ZNF91: variants seen among roughly 807,000 people sequenced by gnomAD.
ZNF91 encodes zinc finger protein 91 (HPF7, HTF10).
In ZNF91, 7 loss-of-function variants were observed where a neutral mutation model predicts 12.6. The observed-to-expected ratio is 0.55, with a 90% CI of 0.31 to 1.04. ZNF91 has a LOEUF of 1.04. Among genes scored for constraint, ZNF91 ranks in the 50% least tolerant of loss-of-function variants. The probability of loss-of-function intolerance (pLI) is 0.05; values close to 1 mark genes in which losing one functional copy is unlikely to be tolerated. For synonymous variants in ZNF91, 453 were observed against 462.6 expected (o/e 0.98, Z 0.27); for missense variants, 1,217 against 1,385.4 (o/e 0.88, Z 1.93).
intron 1 of ZNF91, 144 bp downstream of exon 1, chr19:23,395,181 G>T: frequency 1.0e-6 from 1 of 981,776 alleles, no homozygotes; most frequent in Admixed American, 2.4e-5. Context: ...CGCTGAAGGG[G>T]ACTGAGGCCG....
chr19:23,390,020 A>T (rs1460592690), intron 1 of ZNF91, among the ~76,000 whole-genome samples: 1 of 152,206 alleles, frequency 6.6e-6, no homozygotes, highest in Non-Finnish European at 1.5e-5. Context: ...ATTTTCACAT[A>T]AAAGATACAA....
intron 3 of ZNF91, among the ~76,000 whole-genome samples, chr19:23,364,977 G>A (rs1277667124): frequency 6.6e-6 from 1 of 151,828 alleles, no homozygotes; most frequent in Non-Finnish European, 1.5e-5. Flanking sequence ...GATGTGTAGT[G>A]GCATACCCTA....
intron 3 of ZNF91, among the ~76,000 whole-genome samples, chr19:23,363,718 T>C (rs953603844): frequency 1.3e-5 from 2 of 152,110 alleles, no homozygotes; most frequent in African/African-American, 4.8e-5. Flanking sequence ...ATAAAAGAGA[T>C]GTATACATTA....
chr19:23,383,295 T>C (rs1362618363), intron 1 of ZNF91, among the ~76,000 whole-genome samples: 1 of 152,208 alleles, frequency 6.6e-6, no homozygotes, highest in Admixed American at 6.5e-5. Flanking sequence ...TTTTAACATC[T>C]TTCATGTTAA....
downstream of ZNF91, among the ~76,000 whole-genome samples, chr19:23,334,929 G>A (rs949756944): frequency 2.0e-5 from 3 of 152,152 alleles, no homozygotes; most frequent in Admixed American, 1.3e-4. Context: ...TTAAAATAAT[G>A]AGACGCCAGT....
Position 23,359,827 on chromosome 19 carries a change from T to C in ZNF91, c.3152A>G (p.Lys1051Arg), listed in dbSNP as rs1450649258. ...AAATGCTTTGCCACATTCTTCACAC[T>C]TGTAAGGTTTCTCTCCAGTATGAAT... The part of the protein sequence containing the change: ...KIIHTGEKPY[K>R]CEECGKAFIS... The change falls in exon 4 of 4, where the codon AAG becomes AGG. Residue 1051 changes from lysine to arginine, a missense_variant. Lys to Arg is a conservative substitution (Grantham distance 26). Transcript: ENST00000300619. The C allele has an allele frequency of 6.2e-7, 1 of 1,614,044 alleles. No homozygotes were observed. Among genetic ancestry groups the C allele is most frequent in the East Asian group, 2.2e-5 (1 of 44,868 alleles).
intron 1 of ZNF91, chr19:23,328,790 A>G (rs1967880288): frequency 6.6e-6 from 1 of 152,182 alleles, no homozygotes; most frequent in African/African-American, 2.4e-5. Context: ...TTTAAGAGGT[A>G]AGAGAGGCTT....
At position 23,346,274 on chromosome 19, in the gene ZNF91, G is replaced by A. The variant is rs192856255; in HGVS notation, c.254-7220C>T. On this transcript the variant is annotated intron_variant, in intron 3 of 3. Coordinates refer to the ZNF91 transcript ENST00000599743. ...TGCCACCCTCTCCCCAGAAGACGAG[G>A]ACCGTATCTAGACCCCAGCTCAGGT... Among the ~76,000 whole-genome samples the A allele has an allele frequency of 1.1e-3, 160 of 152,020 alleles. 1 individual carries two copies. The highest frequency in any genetic ancestry group is 1.6e-3 in the Non-Finnish European group (110 of 67,982).
downstream of ZNF91, among the ~76,000 whole-genome samples, chr19:23,353,543 G>A (rs1968417001): frequency 6.6e-6 from 1 of 151,752 alleles, no homozygotes. Flanking sequence ...ACAACTCAAG[G>A]AACTAGAGAA....
intron 1 of ZNF91, among the ~76,000 whole-genome samples, chr19:23,377,526 C>T (rs117611836): frequency 0.013 from 1,904 of 152,140 alleles, 22 homozygotes; most frequent in Middle Eastern, 0.034. Flanking sequence ...AATGGGTGTT[C>T]TAAACAAGTC....
At chr19:23,325,702 C>T (rs1475617809) in intron 1 of ZNF91, 1 of 152,366 alleles carries the variant, frequency 6.6e-6, no homozygotes, top group Non-Finnish European at 1.5e-5. Flanking sequence ...CAGGCTCTCC[C>T]CAAAACCATG....
At chr19:23,368,718 GC>G (rs1969131202) in intron 3 of ZNF91, among the ~76,000 whole-genome samples, 1 of 151,632 alleles carries the variant, frequency 6.6e-6, no homozygotes, top group South Asian at 2.1e-4. Flanking sequence ...GAGAAATAAT[GC>G]CTCCTATAAA....
rs374565609 is a variant in ZNF91 at position 23,359,685 on chromosome 19, C to T, written c.3294G>A (p.Arg1098=). The T allele has an allele frequency of 3.9e-5, 63 of 1,612,028 alleles. No individual in the cohort carries two copies. The highest frequency in any genetic ancestry group is 4.9e-5 in the Non-Finnish European group (58 of 1,179,464). Residue 1098 remains arginine (R), a synonymous_variant, in exon 4 of 4, where the codon AGG becomes AGA. Coordinates refer to ENST00000300619, the MANE Select transcript of ZNF91 (RefSeq NM_003430.4). ...SQSSTLTRHK[R]LHTGEKPYKC... Reference sequence around the variant, plus strand: ...TGTAGGGTTTCTCTCCGGTGTGCAACCTCTTATGTCTAGTTAGGGTTGAAG... The same window carrying T: ...TGTAGGGTTTCTCTCCGGTGTGCAATCTCTTATGTCTAGTTAGGGTTGAAG...
At chr19:23,389,743 A>C (rs1969998190) in intron 1 of ZNF91, among the ~76,000 whole-genome samples, 1 of 152,162 alleles carries the variant, frequency 6.6e-6, no homozygotes, top group Non-Finnish European at 1.5e-5. Flanking sequence ...AAATCTGTAG[A>C]GTTTGCTAAA....
chr19:23,377,394 T>C (rs1272859925), intron 1 of ZNF91, among the ~76,000 whole-genome samples: 1 of 152,228 alleles, frequency 6.6e-6, no homozygotes, highest in Non-Finnish European at 1.5e-5. Context: ...CTAATTAGAA[T>C]CCTGAGCTTA....
chr19:23,375,406 G>A (rs553260846), intron 1 of ZNF91, among the ~76,000 whole-genome samples: 9 of 152,048 alleles, frequency 5.9e-5, no homozygotes, highest in Admixed American at 2.0e-4. Context: ...TGATCCTCCC[G>A]CCTCGGCCTC....
At chr19:23,318,361 AG>A (rs1376133608) in intron 1 of ZNF91, among the ~76,000 whole-genome samples, 10 of 152,080 alleles carry the variant, frequency 6.6e-5, no homozygotes, top group African/African-American at 2.2e-4. Flanking sequence ...CTCTGCTCAC[AG>A]GGGATATTGT....
downstream of ZNF91, among the ~76,000 whole-genome samples, chr19:23,333,916 G>A (rs1456996131): frequency 6.6e-6 from 1 of 152,076 alleles, no homozygotes; most frequent in Non-Finnish European, 1.5e-5. Flanking sequence ...AGCTTGGATT[G>A]GGAACCATTT....
rs182212335 is a variant in ZNF91, at chr19:23,357,866, C to T, written c.*1537G>A. ...AATGGAGACCGCATTTAGTCTAATG[C>T]GATTGTTATATATTGTGTGTCCGTA... On this transcript the variant is annotated 3_prime_UTR_variant, in exon 4 of 4. Coordinates refer to ENST00000300619, the MANE Select transcript of ZNF91 (RefSeq NM_003430.4). 11 of 152,008 alleles carry T rather than the reference C, an allele frequency of 7.2e-5. No homozygotes were observed. Among genetic ancestry groups the T allele is most frequent in the East Asian group, 1.9e-4 (1 of 5,166 alleles). 9.4% of individuals were successfully genotyped at this position (152,008 alleles called of 1,614,324 possible).
Sources: gnomAD v4.1 joint callset for allele counts (sites outside exome capture counted in the v4.1 genomes callset) on GRCh38, gnomAD v4.1.1 for gene constraint, MANE v1.5 for transcripts, NCBI Gene and HGNC (gene_info 2026-07-23, HGNC 2026-07-21) for gene names.